The following SH3TC1 variants were observed in gnomAD, a reference collection of about 807,000 sequenced individuals.
SH3TC1 encodes the protein SH3 domain and tetratricopeptide repeat-containing protein 1.
Under a neutral mutation model 117.3 loss-of-function variants are expected in SH3TC1, and 135 were observed. The ratio of observed to expected loss-of-function variants is 1.15; its 90% confidence interval spans 1.00 to 1.33. The LOEUF (loss-of-function observed/expected upper bound fraction) is 1.33. SH3TC1 is among the 40% of genes most tolerant of loss of function. SH3TC1 has a pLI of 0.00. For missense variants in SH3TC1, 2,092 were observed against 1,794.3 expected (o/e 1.17, Z -3.00); for synonymous variants, 898 against 816.9 (o/e 1.10, Z -1.69).
At chr4:8,220,212 CG>C (rs2152987862) in intron 9 of SH3TC1, among the ~76,000 whole-genome samples, 1 of 152,284 alleles carries the variant, frequency 6.6e-6, no homozygotes, top group South Asian at 2.1e-4. Flanking sequence ...CGCTCTCCTC[CG>C]TTAAGCCCCA....
chr4:8,184,088 T>G (rs941912673), intron 1 of SH3TC1, among the ~76,000 whole-genome samples: 2 of 152,176 alleles, frequency 1.3e-5, no homozygotes, highest in Non-Finnish European at 2.9e-5. Context: ...TGACAGAGCA[T>G]GAAGGCATAT....
At position 8,200,208 on chromosome 4, in the gene SH3TC1, C is replaced by T. The variant is rs1012699938; in HGVS notation, c.-29+803C>T. On this transcript the variant is annotated intron_variant, in intron 1 of 17. Coordinates refer to ENST00000245105, the MANE Select transcript of SH3TC1 (RefSeq NM_018986.5). The stretch of plus-strand genomic sequence containing the variant: ...GGCCAGGGGCAGCCTGCATGTGGGC[C>T]GGCCACTCAGGGTGTGGCCTCCCAG... Among the ~76,000 whole-genome samples, 8 of 152,202 alleles carry T rather than the reference C, an allele frequency of 5.3e-5. No individual in the cohort carries two copies. The East Asian group carries it at 7.7e-4, about 15-fold the overall frequency.
In SH3TC1 at chr4:8,209,068, G is replaced by A. The variant is rs542200415; in HGVS notation, c.173-680G>A. Reference sequence around the variant, plus strand: ...CCCCCAGCAGGGAACCAAGCAACCAGTAGGGGTCTATGTCCTGGCTCCTAC... The same window carrying A: ...CCCCCAGCAGGGAACCAAGCAACCAATAGGGGTCTATGTCCTGGCTCCTAC... On this transcript the variant is annotated intron_variant, in intron 2 of 17. Transcript: ENST00000245105. This position sits in a 1 kb window ranked among gnomAD's most constrained non-coding sequence, Gnocchi z 5.9. Among the ~76,000 whole-genome samples the A allele has an allele frequency of 1.3e-5, 2 of 152,208 alleles. No homozygotes were observed. Among genetic ancestry groups the A allele is most frequent in the African/African-American group, 4.8e-5 (2 of 41,452 alleles).
rs965268401 is a variant in SH3TC1, at chr4:8,208,540, G to C, written c.173-1208G>C. Among the ~76,000 whole-genome samples, 3 of 152,066 alleles carry C rather than the reference G, an allele frequency of 2.0e-5. No homozygotes were observed. In the East Asian group the frequency reaches 5.8e-4, roughly 29 times the overall value. On this transcript the variant is annotated intron_variant, in intron 2 of 17. Transcript: ENST00000245105. ...GCGCCACCCTGCCCGGCTAATTTTT[G>C]TATTTTTAGTAAAGATGGGGTTTAC...
intron 10 of SH3TC1, among the ~76,000 whole-genome samples, chr4:8,224,384 A>C (rs1024815355): frequency 6.6e-5 from 10 of 152,216 alleles, no homozygotes; most frequent in African/African-American, 2.4e-4. Flanking sequence ...CCTGGATGGT[A>C]TCTCCTGTCC....
intron 1 of SH3TC1, among the ~76,000 whole-genome samples, chr4:8,201,051 C>T (rs537130111): frequency 6.6e-5 from 10 of 152,188 alleles, no homozygotes; most frequent in Admixed American, 1.3e-4. Context: ...GACAGTGTCA[C>T]CCCAGGATGC....
At chr4:8,207,861 C>T (rs1718334969) in intron 2 of SH3TC1, among the ~76,000 whole-genome samples, 1 of 152,140 alleles carries the variant, frequency 6.6e-6, no homozygotes, top group African/African-American at 2.4e-5. Flanking sequence ...GGCTTTTCAA[C>T]TGGAGGATGG....
chr4:8,211,647 T>C (rs1298702220), intron 3 of SH3TC1, among the ~76,000 whole-genome samples: 2 of 150,936 alleles, frequency 1.3e-5, no homozygotes, highest in Non-Finnish European at 2.9e-5. Flanking sequence ...ACCTGGAGGA[T>C]TGGGAACACT....
At chr4:8,236,717 G>A (rs950648002) in intron 16 of SH3TC1, 27 of 374,610 alleles carry the variant, frequency 7.2e-5, no homozygotes, top group Admixed American at 5.7e-4. Context: ...CAGACATCTC[G>A]TTGGTCCCTG....
chr4:8,226,524 A>ATT (rs776492241), intron 11 of SH3TC1, among the ~76,000 whole-genome samples: 5 of 152,150 alleles, frequency 3.3e-5, no homozygotes, highest in Non-Finnish European at 5.9e-5. Flanking sequence ...GCTGTTGAGG[A>ATT]TTTCATGGAT....
Position 8,217,060 on chromosome 4 carries a change from C to G in SH3TC1, c.732C>G (p.Pro244=). ...PQALRQASGA[P]QGEAAPETDS... ...CCCTCAGGCAGGCTTCGGGGGCACC[C>G]CAGGGAGAGGCGGCCCCGGAAACAG... The change falls in exon 7 of 18, where the codon CCC becomes CCG. Residue 244 remains proline (P), a synonymous_variant. Coordinates refer to ENST00000245105, the MANE Select transcript of SH3TC1 (RefSeq NM_018986.5). 6.2e-7 allele frequency: 1 copy of G among 1,613,036 alleles called. No homozygotes were observed. Among genetic ancestry groups the G allele is most frequent in the Admixed American group, 1.7e-5 (1 of 59,906 alleles).
intron 14 of SH3TC1, among the ~76,000 whole-genome samples, chr4:8,233,739 T>TCATC (rs1553808796): frequency 1.3e-4 from 12 of 89,610 alleles, no homozygotes; most frequent in Admixed American, 1.3e-3. Context: ...ATTCACCTGT[T>TCATC]CATCCATCCA....
At chr4:8,239,268 G>A (rs569606296) in intron 17 of SH3TC1, among the ~76,000 whole-genome samples, 29 of 150,570 alleles carry the variant, frequency 1.9e-4, no homozygotes, top group African/African-American at 6.3e-4. Context: ...CACACACAGA[G>A]ACACATGCAC....
At chr4:8,219,281 G>T (rs1719658882) in intron 8 of SH3TC1, 54 bp from the exon 9 acceptor site, 2 of 1,491,470 alleles carry the variant, frequency 1.3e-6, no homozygotes, top group African/African-American at 2.8e-5. Flanking sequence ...CTGTCTGCCC[G>T]CTCTGGCCCC....
rs902606956 is a variant in SH3TC1 at position 8,206,276 on chromosome 4, C to T, written c.172+910C>T. ...ACAAAGGGGAAGTGGTCTGCAGGCA[C>T]TGGCATGCCTGGGCAGGAAGGGCGG... On this transcript the variant is annotated intron_variant, in intron 2 of 17. Coordinates refer to ENST00000245105, the MANE Select transcript of SH3TC1 (RefSeq NM_018986.5). This position sits in a 1 kb window ranked among gnomAD's most constrained non-coding sequence, Gnocchi z 5.5. Among the ~76,000 whole-genome samples the T allele has an allele frequency of 2.6e-5, 4 of 151,922 alleles. No homozygotes were observed. Among genetic ancestry groups the T allele is most frequent in the African/African-American group, 4.8e-5 (2 of 41,340 alleles).
intron 17 of SH3TC1, among the ~76,000 whole-genome samples, chr4:8,238,772 ATC>A (rs889067187): frequency 4.6e-5 from 7 of 152,150 alleles, no homozygotes; most frequent in Non-Finnish European, 1.0e-4. Flanking sequence ...AGGGGACTTT[ATC>A]TCTCTTAGTC....
chr4:8,233,995 A>T (rs1249322765), intron 14 of SH3TC1, among the ~76,000 whole-genome samples: 3 of 76,050 alleles, frequency 3.9e-5, no homozygotes, highest in Non-Finnish European at 1.2e-4. Context: ...TCCATCATCC[A>T]TCCATCCTTC....
In SH3TC1 at chr4:8,236,359, G is replaced by T; in HGVS notation, c.3487G>T (p.Ala1163Ser). The change falls in exon 16 of 18, where the codon GCC (alanine) becomes TCC (serine). Residue 1163 changes from alanine to serine, a missense_variant. Transcript: ENST00000245105. ...RLCNKLVALL[A>S]TLEEPQEGLE... The stretch of plus-strand genomic sequence containing the variant: ...GTGCAACAAGCTGGTGGCACTGCTG[G>T]CCACGCTGGAGGAGCCCCAGGAGGG... 1 of 1,548,750 alleles carries T rather than the reference G, an allele frequency of 6.5e-7. No homozygotes were observed. The highest frequency in any genetic ancestry group is 8.7e-7 in the Non-Finnish European group (1 of 1,146,230).
intron 1 of SH3TC1, among the ~76,000 whole-genome samples, chr4:8,184,674 C>G (rs1273016418): frequency 6.6e-6 from 1 of 152,188 alleles, no homozygotes. Flanking sequence ...CCACTGTGGC[C>G]GGCTGGAAAG....
Sources: gnomAD v4.1 joint callset for allele counts (sites outside exome capture counted in the v4.1 genomes callset) on GRCh38, gnomAD v4.1.1 for gene constraint, Gnocchi (gnomAD v3.1) non-coding constraint, MANE v1.5 for transcripts, NCBI Gene and HGNC (gene_info 2026-07-23, HGNC 2026-07-21) for gene names.